MIB1: variants seen among roughly 807,000 people sequenced by gnomAD.
MIB1 encodes E3 ubiquitin-protein ligase MIB1.
A neutral mutation model predicts 124.5 loss-of-function variants in MIB1; 278 were observed. The ratio of observed to expected loss-of-function variants is 2.23; its 90% confidence interval spans 2.02 to 2.47. The LOEUF (loss-of-function observed/expected upper bound fraction) is 2.47, where lower values mean the gene tolerates loss of function less well. Among genes scored for constraint, MIB1 ranks in the 30% most tolerant of loss-of-function variants. The pLI is 0.00. For synonymous variants in MIB1, 446 were observed against 429.4 expected, an observed-to-expected ratio of 1.04 and a Z score of -0.48; for missense variants, 957 against 1,254.4, an observed-to-expected ratio of 0.76 and a Z score of 3.58.
Position 21,779,680 on chromosome 18 carries a change from C to G in MIB1, c.903C>G (p.Gly301=), listed in dbSNP as rs1377922996. Residue 301 remains glycine, a synonymous_variant, in exon 6 of 21, where the codon GGC becomes GGG. Transcript: ENST00000261537. ...ACATTGTAGTACAGTATCCAAGTGG[C>G]AATAGGTGGGTGATATCTCTCAATT... is the stretch of plus-strand genomic sequence containing the variant. ...DHDIVVQYPS[G]NRWTFNPAVL... 6.2e-7 allele frequency: 1 copy of G among 1,611,598 alleles called. No individual in the cohort carries two copies. Among genetic ancestry groups the G allele is most frequent in the Admixed American group, 1.7e-5 (1 of 59,968 alleles).
intron 1 of MIB1, among the ~76,000 whole-genome samples, chr18:21,724,726 AAATATATATATATATATATATATATATAT>A (rs1302597312): frequency 1.9e-4 from 10 of 52,846 alleles, no homozygotes; most frequent in African/African-American, 6.8e-4. Context: ...AAAAAAAAAA[AAATATATATATATATATATATATATATAT>A]ATATATATAT....
At chr18:21,822,618 G>A (rs966131201) in intron 12 of MIB1, among the ~76,000 whole-genome samples, 8 of 152,160 alleles carry the variant, frequency 5.3e-5, no homozygotes, top group Non-Finnish European at 1.0e-4. Context: ...AGTATCAGAT[G>A]ACACAGCTTA....
chr18:21,847,063 TG>T lies in MIB1; in HGVS notation c.2332del (p.Asp778IlefsTer31). On this transcript the variant is annotated frameshift_variant, in exon 16 of 21. Transcript: ENST00000261537. LOFTEE classifies it high-confidence loss of function. ...IRNKKGQSPL[D>X]LCPDPNLCKA... is the part of the protein sequence containing the mutation. The stretch of plus-strand genomic sequence containing the variant: ...GAAATAAGAAGGGTCAATCGCCACT[TG>T]ATCTCTGTCCTGATCCGAATCTCTG... The T allele has an allele frequency of 6.2e-7, 1 of 1,614,206 alleles. No individual in the cohort carries two copies. Among genetic ancestry groups the T allele is most frequent in the Non-Finnish European group, 8.5e-7 (1 of 1,180,036 alleles).
At chr18:21,721,104 A>C (rs894710949) in intron 1 of MIB1, among the ~76,000 whole-genome samples, 2 of 151,200 alleles carry the variant, frequency 1.3e-5, no homozygotes, top group Admixed American at 1.3e-4. Flanking sequence ...TCATGTAATA[A>C]AAAGTTATTT....
At chr18:21,810,002 T>C (rs2041752844) in intron 10 of MIB1, among the ~76,000 whole-genome samples, 1 of 152,058 alleles carries the variant, frequency 6.6e-6, no homozygotes, top group African/African-American at 2.4e-5. Context: ...AAAAAAACTT[T>C]TAGAACAAAT....
intron 6 of MIB1, among the ~76,000 whole-genome samples, chr18:21,788,824 G>A (rs1025211597): frequency 6.6e-5 from 10 of 152,138 alleles, no homozygotes; most frequent in Middle Eastern, 3.4e-3. Flanking sequence ...CACTAACAAT[G>A]AACAATATGA....
chr18:21,750,088 G>T (rs1332669891), intron 1 of MIB1, among the ~76,000 whole-genome samples: 1 of 150,678 alleles, frequency 6.6e-6, no homozygotes. Context: ...TTTTTTGCAT[G>T]TAGAAAAACT....
At chr18:21,789,624 C>A (rs1598611970) in intron 6 of MIB1, among the ~76,000 whole-genome samples, 1 of 152,078 alleles carries the variant, frequency 6.6e-6, no homozygotes, top group East Asian at 1.9e-4. Context: ...CGAGAACAGG[C>A]TGGCCAACGT....
chr18:21,858,674 T>C, intron 20 of MIB1, 28 bp downstream of exon 20: 1 of 1,104,854 alleles, frequency 9.1e-7, no homozygotes, highest in Non-Finnish European at 1.4e-6. Flanking sequence ...TAAACAGTGA[T>C]GCTGTGAATG....
intron 8 of MIB1, among the ~76,000 whole-genome samples, chr18:21,799,483 T>C (rs946159203): frequency 2.0e-5 from 3 of 152,072 alleles, no homozygotes; most frequent in South Asian, 4.1e-4. Context: ...GTCACTGTAG[T>C]GTCCTTAAAA....
At chr18:21,847,522 G>T (rs118064860) in intron 16 of MIB1, among the ~76,000 whole-genome samples, 12 of 151,952 alleles carry the variant, frequency 7.9e-5, no homozygotes, top group Non-Finnish European at 1.6e-4. Context: ...TTAAAAATAC[G>T]TCTTGCTGTG....
Position 21,798,186 on chromosome 18 carries a change from A to C in MIB1, c.1195A>C (p.Lys399Gln), listed in dbSNP as rs1192957895. The change falls in exon 8 of 21, where the codon AAG becomes CAG. Residue 399 changes from lysine to glutamine, a missense_variant. Physicochemically the swap from Lys to Gln is moderately conservative, Grantham distance 53 (BLOSUM62 1). Coordinates refer to ENST00000261537, the MANE Select transcript of MIB1 (RefSeq NM_020774.4). ...GACATACAATCCAGCAGCAGTTTCC[A>C]AGGTGGCATCTGCAGGATCAGCCAT... ...SWTYNPAAVS[K>Q]VASAGSAISN... 5.0e-6 allele frequency: 8 copies of C among 1,613,220 alleles called. No individual in the cohort carries two copies. Among genetic ancestry groups the C allele is most frequent in the Non-Finnish European group, 6.8e-6 (8 of 1,179,448 alleles).
At chr18:21,767,952 A>G (rs1481811064) in intron 2 of MIB1, among the ~76,000 whole-genome samples, 1 of 152,272 alleles carries the variant, frequency 6.6e-6, no homozygotes, top group Non-Finnish European at 1.5e-5. Flanking sequence ...ACAGAAGACT[A>G]TCAGTACTGG....
At chr18:21,847,864 A>G (rs1419994454) in intron 16 of MIB1, among the ~76,000 whole-genome samples, 1 of 152,222 alleles carries the variant, frequency 6.6e-6, no homozygotes, top group Non-Finnish European at 1.5e-5. Context: ...TATTTATGAC[A>G]TAACTAATTT....
rs530088519 is a variant in MIB1 at position 21,763,782 on chromosome 18, C to G, written c.230-1990C>G. Among the ~76,000 whole-genome samples the G allele has an allele frequency of 7.2e-5, 11 of 152,262 alleles. No homozygotes were observed. The South Asian group carries it at 2.3e-3, about 32-fold the overall frequency. ...TAAATATCTCTGGAACCATTTCTCTCAATTTCTACTGTCAACACCCTAATT... is the reference window on the plus strand; with the variant it reads ...TAAATATCTCTGGAACCATTTCTCTGAATTTCTACTGTCAACACCCTAATT... On this transcript the variant is annotated intron_variant, in intron 1 of 20. Transcript: ENST00000261537.
intron 1 of MIB1, among the ~76,000 whole-genome samples, chr18:21,719,113 A>G (rs370665812): frequency 1.8e-4 from 27 of 151,852 alleles, no homozygotes; most frequent in East Asian, 3.9e-4. Context: ...GTTTGAACCC[A>G]GGAGGCGGAG....
intron 13 of MIB1, among the ~76,000 whole-genome samples, chr18:21,839,288 C>A (rs1016783042): frequency 6.6e-6 from 1 of 152,066 alleles, no homozygotes; most frequent in Admixed American, 6.6e-5. Context: ...TAAGCCACCT[C>A]CCCCCCACTA....
At chr18:21,723,394 GAAACCAA>G (rs2146359434) in intron 1 of MIB1, among the ~76,000 whole-genome samples, 1 of 152,172 alleles carries the variant, frequency 6.6e-6, no homozygotes, top group South Asian at 2.1e-4. Context: ...ATGATATTTA[GAAACCAA>G]GATGTGGGTT....
At chr18:21,724,729 T>TAA (rs2040732619) in intron 1 of MIB1, among the ~76,000 whole-genome samples, 1 of 28,758 alleles carries the variant, frequency 3.5e-5, no homozygotes, top group African/African-American at 1.9e-4. Context: ...AAAAAAAAAA[T>TAA]ATATATATAT....
Sources: gnomAD v4.1 joint callset for allele counts (sites outside exome capture counted in the v4.1 genomes callset) on GRCh38, gnomAD v4.1.1 for gene constraint, MANE v1.5 for transcripts, NCBI Gene and HGNC (gene_info 2026-07-23, HGNC 2026-07-21) for gene names.